Variants in SLC35F3 observed in about 807,000 individuals in gnomAD.
SLC35F3 encodes the protein solute carrier family 35 member F3.
In SLC35F3, 25 loss-of-function variants were observed where a neutral mutation model predicts 49.9. The ratio of observed to expected loss-of-function variants is 0.50; its 90% CI spans 0.37 to 0.70. The LOEUF (loss-of-function observed/expected upper bound fraction) is 0.70, where lower values mean the gene tolerates loss of function less well. Ranked by LOEUF, SLC35F3 falls within the 30% of genes least tolerant of loss-of-function variation. The pLI is 0.00. For synonymous variants in SLC35F3, 275 were observed against 265.4 expected, an observed-to-expected ratio of 1.04 and a Z score of -0.35; for missense variants, 525 against 639.8, an observed-to-expected ratio of 0.82 and a Z score of 1.94.
intron 3 of SLC35F3, among the ~76,000 whole-genome samples, chr1:234,289,730 G>A (rs771385683): frequency 9.2e-5 from 14 of 152,092 alleles, no homozygotes; most frequent in African/African-American, 1.7e-4. Context: ...ATACAGTCCC[G>A]GCAGAAGTAA....
At chr1:233,966,400 G>A (rs1439133458) in intron 2 of SLC35F3, among the ~76,000 whole-genome samples, 1 of 151,998 alleles carries the variant, frequency 6.6e-6, no homozygotes, top group Non-Finnish European at 1.5e-5. Flanking sequence ...CCCCAGTGAG[G>A]CCCCATCTGG....
intron 2 of SLC35F3, among the ~76,000 whole-genome samples, chr1:233,916,828 G>C (rs147651922): frequency 6.6e-6 from 1 of 152,190 alleles, no homozygotes; most frequent in Non-Finnish European, 1.5e-5. Flanking sequence ...CGAGGCCGAG[G>C]CTTCAGAAAA....
chr1:234,040,935 GC>G (rs1664210596), intron 2 of SLC35F3, among the ~76,000 whole-genome samples: 1 of 152,218 alleles, frequency 6.6e-6, no homozygotes, highest in South Asian at 2.1e-4. Context: ...GATGAGTAAT[GC>G]TATGGATCAT....
At chr1:234,145,474 G>A (rs11804770) in intron 2 of SLC35F3, among the ~76,000 whole-genome samples, 2,768 of 151,942 alleles carry the variant, frequency 0.018, 79 homozygotes, top group African/African-American at 0.063. Flanking sequence ...TCAGTCTATT[G>A]CTTCTCTTCA....
At chr1:234,191,154 C>T (rs1666725092) in intron 2 of SLC35F3, among the ~76,000 whole-genome samples, 3 of 152,132 alleles carry the variant, frequency 2.0e-5, no homozygotes, top group African/African-American at 7.2e-5. Flanking sequence ...GCCTCCAACA[C>T]ATCAGCACAT....
chr1:233,912,241 A>G (rs1661886262), intron 2 of SLC35F3, among the ~76,000 whole-genome samples: 1 of 152,142 alleles, frequency 6.6e-6, no homozygotes, highest in Non-Finnish European at 1.5e-5. Flanking sequence ...ATGCTTTGGG[A>G]GGCCAAGGCG....
At chr1:234,240,581 G>A (rs915885356) in intron 3 of SLC35F3, among the ~76,000 whole-genome samples, 1 of 151,804 alleles carries the variant, frequency 6.6e-6, no homozygotes, top group Non-Finnish European at 1.5e-5. Context: ...CTCCAGCCTG[G>A]GTGACAGAGT....
At chr1:234,181,248 A>T (rs962409527) in intron 2 of SLC35F3, among the ~76,000 whole-genome samples, 1 of 151,816 alleles carries the variant, frequency 6.6e-6, no homozygotes, top group African/African-American at 2.4e-5. Flanking sequence ...AGGCACAAGA[A>T]TCACTTGAAT....
At chr1:234,298,140 GT>G (rs935512069) in intron 3 of SLC35F3, among the ~76,000 whole-genome samples, 1 of 151,972 alleles carries the variant, frequency 6.6e-6, no homozygotes, top group Non-Finnish European at 1.5e-5. Context: ...ATAAAGACAG[GT>G]TTTTTTTGAG....
chr1:234,060,506 G>C (rs1030536891), intron 2 of SLC35F3, among the ~76,000 whole-genome samples: 2 of 152,112 alleles, frequency 1.3e-5, no homozygotes, highest in African/African-American at 4.8e-5. Context: ...AAGTGCAGTA[G>C]CACAATCTCA....
intron 3 of SLC35F3, among the ~76,000 whole-genome samples, chr1:234,278,121 G>A (rs1668241366): frequency 6.6e-6 from 1 of 152,094 alleles, no homozygotes; most frequent in African/African-American, 2.4e-5. Context: ...TGAGCCTGGG[G>A]GTTGGAGGCT....
At chr1:234,169,454 C>T (rs780438667) in intron 2 of SLC35F3, among the ~76,000 whole-genome samples, 2 of 152,194 alleles carry the variant, frequency 1.3e-5, no homozygotes, top group Non-Finnish European at 2.9e-5. Context: ...TGTGGGCTCC[C>T]AGGCTCTAAC....
At chr1:234,126,175 A>G (rs1166616550) in intron 2 of SLC35F3, among the ~76,000 whole-genome samples, 4 of 152,174 alleles carry the variant, frequency 2.6e-5, no homozygotes, top group Non-Finnish European at 5.9e-5. Context: ...TTCTAACTGC[A>G]TCTTTCAGAT....
Position 233,909,715 on chromosome 1 carries a change from A to T in SLC35F3, c.283+3957A>T, listed in dbSNP as rs1248948122. ...AGGGAGCTGTCATGTACATTGTAGG[A>T]TGTTTAGCAGTATCTCTGACCTCTG... On this transcript the variant is annotated intron_variant, in intron 2 of 7. Coordinates refer to ENST00000366618, the MANE Select transcript of SLC35F3 (RefSeq NM_173508.4). 2.6e-5 allele frequency among the ~76,000 whole-genome samples: 4 copies of T among 152,260 alleles called. No homozygotes were observed. The East Asian group carries it at 7.7e-4, about 29-fold the overall frequency.
intron 3 of SLC35F3, among the ~76,000 whole-genome samples, chr1:234,234,336 C>T (rs1238021853): frequency 1.3e-5 from 2 of 152,110 alleles, no homozygotes; most frequent in Non-Finnish European, 2.9e-5. Flanking sequence ...TTTCTCTAAA[C>T]CCTCCCCAAC....
At chr1:234,011,182 T>C (rs910140337) in intron 2 of SLC35F3, among the ~76,000 whole-genome samples, 6 of 152,148 alleles carry the variant, frequency 3.9e-5, no homozygotes, top group Non-Finnish European at 8.8e-5. Context: ...AAGATAATTA[T>C]TTATCAAATT....
At chr1:234,321,650 C>G (rs1657622660) in intron 7 of SLC35F3, among the ~76,000 whole-genome samples, 1 of 152,126 alleles carries the variant, frequency 6.6e-6, no homozygotes, top group African/African-American at 2.4e-5. Flanking sequence ...TTGAGAGATT[C>G]ATTAAAATCA....
At chr1:233,956,811 C>T (rs558858468) in intron 2 of SLC35F3, among the ~76,000 whole-genome samples, 43 of 152,286 alleles carry the variant, frequency 2.8e-4, no homozygotes, top group South Asian at 1.2e-3. Context: ...ATGGCGGAGG[C>T]GGGTAAAGAA....
In SLC35F3 at chr1:234,117,950, GTGTGTGTGTGTGTGTA is replaced by G. The variant is rs1192167412; in HGVS notation, c.284-113465_284-113450del. The stretch of plus-strand genomic sequence containing the variant: ...TGTGTGTGTGTGTGTGTGTGTGTGT[GTGTGTGTGTGTGTGTA>G]TATATATATAAAACCACAAGAAACT... On this transcript the variant is annotated intron_variant, in intron 2 of 7. Coordinates refer to ENST00000366618, the MANE Select transcript of SLC35F3 (RefSeq NM_173508.4). Among the ~76,000 whole-genome samples the G allele has an allele frequency of 9.4e-4, 32 of 34,126 alleles. 3 individuals carry two copies. The South Asian group carries it at 0.029, about 31-fold the overall frequency. The allele number at this position is 34,126 out of a possible 152,430, so 22.4% of individuals were successfully genotyped here.
Sources: gnomAD v4.1 joint callset for allele counts (sites outside exome capture counted in the v4.1 genomes callset) on GRCh38, gnomAD v4.1.1 for gene constraint, MANE v1.5 for transcripts, NCBI Gene and HGNC (gene_info 2026-07-23, HGNC 2026-07-21) for gene names.